ADAMTSL3: variants seen among roughly 807,000 people sequenced by gnomAD.
The protein encoded by ADAMTSL3 is ADAMTS-like protein 3.
In ADAMTSL3, 128 loss-of-function variants were observed where a neutral mutation model predicts 201.7. That is an observed-to-expected ratio of 0.63 (90% CI 0.55 to 0.73). ADAMTSL3 has a LOEUF of 0.73. ADAMTSL3 is among the 30% of genes least tolerant of loss of function. ADAMTSL3 has a pLI of 0.00. For missense variants in ADAMTSL3, 1,990 were observed against 2,119.6 expected (o/e 0.94, Z 1.20); for synonymous variants, 738 against 748.4 (o/e 0.99, Z 0.23).
intron 19 of ADAMTSL3, among the ~76,000 whole-genome samples, chr15:83,949,895 A>T (rs1385194641): frequency 6.6e-6 from 1 of 151,762 alleles, no homozygotes; most frequent in Non-Finnish European, 1.5e-5. Flanking sequence ...TGAGCCCCTT[A>T]TATGTTCTGG....
At chr15:83,824,203 T>C (rs556000869) in intron 6 of ADAMTSL3, among the ~76,000 whole-genome samples, 1 of 151,862 alleles carries the variant, frequency 6.6e-6, no homozygotes, top group Non-Finnish European at 1.5e-5. Flanking sequence ...GCCATCACGC[T>C]CAGCCAGTTT....
chr15:83,680,529 A>G (rs1428334646), intron 2 of ADAMTSL3, among the ~76,000 whole-genome samples: 1 of 126,232 alleles, frequency 7.9e-6, no homozygotes, highest in African/African-American at 3.0e-5. Context: ...TTTTTTTTTG[A>G]CTTAGGAATG....
intron 3 of ADAMTSL3, among the ~76,000 whole-genome samples, chr15:83,746,791 G>T (rs1336210922): frequency 2.6e-5 from 4 of 152,160 alleles, no homozygotes; most frequent in Non-Finnish European, 5.9e-5. Context: ...CTTGAGCCCA[G>T]GAGTTGAGGC....
chr15:83,873,179 C>T (rs139033616), intron 9 of ADAMTSL3, among the ~76,000 whole-genome samples: 2,057 of 144,286 alleles, frequency 0.014, 352 homozygotes, highest in African/African-American at 0.051. Flanking sequence ...TGGCACGCAC[C>T]TGTAATCCCA....
At chr15:83,759,502 G>A (rs1220091352) in intron 3 of ADAMTSL3, among the ~76,000 whole-genome samples, 3 of 152,234 alleles carry the variant, frequency 2.0e-5, no homozygotes, top group African/African-American at 7.2e-5. Context: ...TGGAATTACA[G>A]GCGTGAGCCA....
chr15:83,756,966 G>A (rs759201118), intron 3 of ADAMTSL3, among the ~76,000 whole-genome samples: 3 of 152,198 alleles, frequency 2.0e-5, no homozygotes, highest in Non-Finnish European at 2.9e-5. Flanking sequence ...CAAGAGGTGG[G>A]CTCCCATGGC....
At chr15:83,822,511 C>T (rs2063903101) in intron 6 of ADAMTSL3, among the ~76,000 whole-genome samples, 1 of 141,416 alleles carries the variant, frequency 7.1e-6, no homozygotes. Context: ...CCTCACCTCC[C>T]AGACGGGGTT....
chr15:83,957,175 G>A (rs181075743), intron 19 of ADAMTSL3, among the ~76,000 whole-genome samples: 2 of 152,266 alleles, frequency 1.3e-5, no homozygotes, highest in Admixed American at 1.3e-4. Flanking sequence ...ACAGAGGGGT[G>A]TTCTAGAGTG....
intron 3 of ADAMTSL3, among the ~76,000 whole-genome samples, chr15:83,724,627 G>T (rs545299527): frequency 1.3e-5 from 2 of 151,882 alleles, no homozygotes; most frequent in South Asian, 4.2e-4. Context: ...TGTGCTACCA[G>T]ATACTAGATC....
At chr15:83,834,538 A>G (rs1465377548) in intron 6 of ADAMTSL3, among the ~76,000 whole-genome samples, 1 of 152,230 alleles carries the variant, frequency 6.6e-6, no homozygotes, top group Non-Finnish European at 1.5e-5. Context: ...TGAAAAATTC[A>G]TATTTTGCTT....
Position 83,819,130 on chromosome 15 carries a change from C to T in ADAMTSL3, c.364-681C>T, listed in dbSNP as rs574788419. ...ACTAGAAATACAAAAATAAGCTGGG[C>T]GTGGTGGCGGGCGCCTGTAGTCCCA... is the stretch of plus-strand genomic sequence containing the variant. On this transcript the variant is annotated intron_variant, in intron 5 of 29. Transcript: ENST00000286744. 6.9e-4 allele frequency among the ~76,000 whole-genome samples: 105 copies of T among 151,886 alleles called. 1 individual carries two copies. The South Asian group carries it at 0.016, about 24-fold the overall frequency.
intron 9 of ADAMTSL3, among the ~76,000 whole-genome samples, chr15:83,883,520 CT>C (rs111881848): frequency 0.33 from 46,880 of 143,594 alleles, 8,787 homozygotes; most frequent in African/African-American, 0.5. Context: ...AATTTTATTT[CT>C]TTTTTTTTTT....
chr15:83,973,803 G>A (rs1293465953), intron 20 of ADAMTSL3, among the ~76,000 whole-genome samples: 1 of 152,180 alleles, frequency 6.6e-6, no homozygotes, highest in Non-Finnish European at 1.5e-5. Context: ...CATCCATTAT[G>A]GAAGGGGGTC....
chr15:83,953,132 G>A (rs942176966), intron 19 of ADAMTSL3, among the ~76,000 whole-genome samples: 5 of 152,118 alleles, frequency 3.3e-5, no homozygotes, highest in African/African-American at 1.2e-4. Flanking sequence ...TACATTAAGT[G>A]TTACTGTTGA....
chr15:84,012,465 A>G (rs941782676), intron 23 of ADAMTSL3, among the ~76,000 whole-genome samples: 3 of 152,116 alleles, frequency 2.0e-5, no homozygotes, highest in East Asian at 1.9e-4. Flanking sequence ...AAAACTAGCA[A>G]TGGTGGGTTA....
At chr15:83,818,699 A>G (rs2063807721) in intron 5 of ADAMTSL3, among the ~76,000 whole-genome samples, 1 of 152,198 alleles carries the variant, frequency 6.6e-6, no homozygotes, top group African/African-American at 2.4e-5. Context: ...TTTGATGAGT[A>G]AAGTAATACT....
At chr15:83,771,091 A>G (rs2062974768) in intron 3 of ADAMTSL3, among the ~76,000 whole-genome samples, 1 of 151,932 alleles carries the variant, frequency 6.6e-6, no homozygotes. Context: ...CAAAACAAAC[A>G]AAAAGCCCAC....
At chr15:83,854,152 T>C (rs2064681694) in intron 7 of ADAMTSL3, among the ~76,000 whole-genome samples, 1 of 152,150 alleles carries the variant, frequency 6.6e-6, no homozygotes, top group Non-Finnish European at 1.5e-5. Flanking sequence ...AATTTCTCCT[T>C]TTATAGTTGT....
chr15:83,855,539 C>A (rs1176243677), intron 7 of ADAMTSL3, among the ~76,000 whole-genome samples: 1 of 152,152 alleles, frequency 6.6e-6, no homozygotes, highest in Non-Finnish European at 1.5e-5. Context: ...GAGCTCCAAA[C>A]CCATTCTACC....
Sources: gnomAD v4.1 joint callset for allele counts (sites outside exome capture counted in the v4.1 genomes callset) on GRCh38, gnomAD v4.1.1 for gene constraint, MANE v1.5 for transcripts, NCBI Gene and HGNC (gene_info 2026-07-23, HGNC 2026-07-21) for gene names.